Variants in PPARGC1A observed in about 807,000 individuals in gnomAD.
PPARGC1A encodes the protein peroxisome proliferator-activated receptor gamma coactivator 1-alpha.
A neutral mutation model predicts 88.7 loss-of-function variants in PPARGC1A; 25 were observed. The observed-to-expected ratio is 0.28, with a 90% CI of 0.21 to 0.39. The LOEUF (loss-of-function observed/expected upper bound fraction) is 0.39, where lower values mean the gene tolerates loss of function less well. PPARGC1A is among the 10% of genes least tolerant of loss of function. PPARGC1A has a pLI of 1.00. For missense variants in PPARGC1A, 880 were observed against 968.7 expected, an observed-to-expected ratio of 0.91 and a Z score of 1.22; for synonymous variants, 363 against 355.6, an observed-to-expected ratio of 1.02 and a Z score of -0.24.
At chr4:24,440,145 T>TTGTG in the PPARGC1A span, among the ~76,000 whole-genome samples, 3 of 152,258 alleles carry the variant, frequency 2.0e-5, no homozygotes, top group Non-Finnish European at 4.4e-5. Flanking sequence ...TGTATTGTTG[T>TTGTG]TCTGAACTGT....
the PPARGC1A span, among the ~76,000 whole-genome samples, chr4:24,442,830 C>T: frequency 1.3e-3 from 200 of 152,272 alleles, 1 homozygote; most frequent in Non-Finnish European, 2.3e-3. Context: ...TAAGTAACCA[C>T]GAGCCTGTAT....
the PPARGC1A span, among the ~76,000 whole-genome samples, chr4:24,003,154 G>C: frequency 1.2e-4 from 19 of 152,198 alleles, 2 homozygotes; most frequent in East Asian, 3.5e-3. Flanking sequence ...GAACCAGGGA[G>C]GTGGATGTGT....
At chr4:23,958,964 T>C in the PPARGC1A span, among the ~76,000 whole-genome samples, 3 of 151,416 alleles carry the variant, frequency 2.0e-5, no homozygotes, top group African/African-American at 7.3e-5. Context: ...ATCCTAGAAC[T>C]TGAGTATGCA....
At chr4:24,176,641 G>T in the PPARGC1A span, among the ~76,000 whole-genome samples, 29 of 152,116 alleles carry the variant, frequency 1.9e-4, 1 homozygote, top group African/African-American at 6.5e-4. Context: ...GGGACATGGG[G>T]AAGAGCTATC....
chr4:23,926,401 T>C, the PPARGC1A span, among the ~76,000 whole-genome samples: 1 of 152,198 alleles, frequency 6.6e-6, no homozygotes, highest in Non-Finnish European at 1.5e-5. Flanking sequence ...TTAATCATTC[T>C]TAAGTCTCTT....
intron 10 of PPARGC1A, among the ~76,000 whole-genome samples, chr4:23,811,256 T>C (rs1187745062): frequency 6.6e-6 from 1 of 152,230 alleles, no homozygotes; most frequent in Non-Finnish European, 1.5e-5. Flanking sequence ...AGCTCTTTTA[T>C]ATAGCTTTTG....
the PPARGC1A span, among the ~76,000 whole-genome samples, chr4:24,187,021 T>C: frequency 6.6e-6 from 1 of 152,226 alleles, no homozygotes. Flanking sequence ...ATGAGTATCA[T>C]GCAACTGCAA....
chr4:23,853,896 A>G (rs1729743345), intron 2 of PPARGC1A, among the ~76,000 whole-genome samples: 1 of 152,174 alleles, frequency 6.6e-6, no homozygotes, highest in South Asian at 2.1e-4. Flanking sequence ...TCTGTCAATT[A>G]CTAGGATTGG....
upstream of PPARGC1A, among the ~76,000 whole-genome samples, chr4:23,908,881 G>T (rs1720394272): frequency 6.6e-6 from 1 of 152,174 alleles, no homozygotes; most frequent in Non-Finnish European, 1.5e-5. Context: ...TAGAACACAA[G>T]ATAAAAGTGG....
chr4:24,119,385 A>C, the PPARGC1A span, among the ~76,000 whole-genome samples: 2 of 152,172 alleles, frequency 1.3e-5, no homozygotes, highest in Admixed American at 1.3e-4. Context: ...CTGGTGTTAG[A>C]AGGCAGGAAT....
the PPARGC1A span, among the ~76,000 whole-genome samples, chr4:24,270,306 CCTCTCTCTCTCT>C: frequency 0.046 from 6,771 of 147,556 alleles, 243 homozygotes; most frequent in East Asian, 0.12. Flanking sequence ...AATAAATCAA[CCTCTCTCTCTCT>C]CTCTCTCTCT....
the PPARGC1A span, among the ~76,000 whole-genome samples, chr4:24,329,266 T>G: frequency 1.3e-5 from 2 of 151,990 alleles, no homozygotes; most frequent in Non-Finnish European, 2.9e-5. Context: ...AGCTTTTTTT[T>G]TTTTCCTCTT....
chr4:24,278,015 A>G, the PPARGC1A span, among the ~76,000 whole-genome samples: 1 of 151,944 alleles, frequency 6.6e-6, no homozygotes, highest in African/African-American at 2.4e-5. Context: ...GCTCTATAAA[A>G]ATTTTGAAAA....
At chr4:23,897,846 G>A (rs1218029165) in intron 1 of PPARGC1A, among the ~76,000 whole-genome samples, 1 of 152,132 alleles carries the variant, frequency 6.6e-6, no homozygotes, top group Non-Finnish European at 1.5e-5. Flanking sequence ...GAGAAACAGT[G>A]GGCTTTCATC....
intron 7 of PPARGC1A, among the ~76,000 whole-genome samples, chr4:23,821,286 A>G (rs192758727): frequency 5.3e-4 from 81 of 152,264 alleles, no homozygotes; most frequent in Non-Finnish European, 1.0e-3. Flanking sequence ...TCAACAATGA[A>G]ATGGGCAGAA....
At chr4:23,995,702 T>TG in the PPARGC1A span, among the ~76,000 whole-genome samples, 2 of 152,170 alleles carry the variant, frequency 1.3e-5, no homozygotes, top group African/African-American at 4.8e-5. Context: ...GTTCCTTCTG[T>TG]GGGGGAAGTC....
the PPARGC1A span, among the ~76,000 whole-genome samples, chr4:24,373,745 C>A: frequency 1.3e-5 from 2 of 152,218 alleles, no homozygotes; most frequent in Non-Finnish European, 2.9e-5. Context: ...GTTGCCCATT[C>A]ATGAGACTAT....
the PPARGC1A span, among the ~76,000 whole-genome samples, chr4:24,106,995 T>C: frequency 3.9e-5 from 6 of 152,228 alleles, no homozygotes; most frequent in Non-Finnish European, 7.3e-5. Flanking sequence ...AAATAACTGA[T>C]ATAGCTTCCT....
chr4:24,222,795 T>C, the PPARGC1A span, among the ~76,000 whole-genome samples: 1 of 152,208 alleles, frequency 6.6e-6, no homozygotes, highest in African/African-American at 2.4e-5. Context: ...GTCTTTGTCA[T>C]TTAAATAAGT....
Sources: gnomAD v4.1 joint callset for allele counts (sites outside exome capture counted in the v4.1 genomes callset) on GRCh38, gnomAD v4.1.1 for gene constraint, MANE v1.5 for transcripts, NCBI Gene and HGNC (gene_info 2026-07-23, HGNC 2026-07-21) for gene names.